Variants in LPP observed in about 807,000 individuals in gnomAD.
LPP encodes LIM domain containing preferred translocation partner in lipoma, also known as lipoma-preferred partner.
LPP carries 38 observed loss-of-function variants against 60.4 expected under a neutral mutation model. That is an observed-to-expected ratio of 0.63 (90% CI 0.49 to 0.83). LPP has a LOEUF of 0.83. LPP is among the 40% of genes least tolerant of loss of function. The pLI is 0.00. For synonymous variants in LPP, 328 were observed against 290.8 expected, an observed-to-expected ratio of 1.13 and a Z score of -1.30; for missense variants, 902 against 783.6, an observed-to-expected ratio of 1.15 and a Z score of -1.80.
chr3:188,156,111 T>G (rs1011991105), intron 1 of LPP, among the ~76,000 whole-genome samples: 1 of 152,162 alleles, frequency 6.6e-6, no homozygotes, highest in Non-Finnish European at 1.5e-5. Context: ...CCCAAAACTT[T>G]ATAGTCTAGA....
chr3:188,560,587 C>A (rs1225640830), intron 6 of LPP, among the ~76,000 whole-genome samples: 1 of 152,096 alleles, frequency 6.6e-6, no homozygotes, highest in African/African-American at 2.4e-5. Flanking sequence ...AATCCTATAC[C>A]TTAGTTCTCT....
chr3:188,724,022 A>T (rs887526914), intron 8 of LPP, among the ~76,000 whole-genome samples: 3 of 152,202 alleles, frequency 2.0e-5, no homozygotes, highest in South Asian at 4.2e-4. Flanking sequence ...CTTGCAATAG[A>T]GGTTCTCTAG....
intron 3 of LPP, among the ~76,000 whole-genome samples, chr3:188,395,224 A>T (rs1780629389): frequency 6.6e-6 from 1 of 152,078 alleles, no homozygotes; most frequent in Non-Finnish European, 1.5e-5. Flanking sequence ...GTTGATTTTT[A>T]AAAACTTATT....
intron 4 of LPP, among the ~76,000 whole-genome samples, chr3:188,479,237 A>G (rs1804080294): frequency 1.3e-5 from 2 of 152,290 alleles, no homozygotes; most frequent in East Asian, 3.9e-4. Flanking sequence ...TGCTTACCTT[A>G]ATAGTTAGAT....
At chr3:188,524,167 A>G (rs143264942) in intron 5 of LPP, among the ~76,000 whole-genome samples, 26 of 152,264 alleles carry the variant, frequency 1.7e-4, no homozygotes, top group African/African-American at 6.0e-4. Flanking sequence ...TCTCGCACAC[A>G]TGCATACCTA....
rs534677695 is a variant in LPP, at chr3:188,617,542, T to G, written c.1113+7698T>G. On this transcript the variant is annotated intron_variant, in intron 7 of 11. Transcript: ENST00000617246. The stretch of plus-strand genomic sequence containing the variant: ...GGTGCTCCCTATTCTGTCTCACAGC[T>G]GCTCCTGTGAAAACACTCGTTCATG... Among the ~76,000 whole-genome samples, 111 of 152,322 alleles carry G rather than the reference T, an allele frequency of 7.3e-4. No individual in the cohort carries two copies. In the South Asian group the frequency reaches 0.015, roughly 21 times the overall value.
intron 6 of LPP, among the ~76,000 whole-genome samples, chr3:188,571,569 C>T (rs1439200437): frequency 6.6e-6 from 1 of 152,032 alleles, no homozygotes; most frequent in Non-Finnish European, 1.5e-5. Flanking sequence ...AGTGTTTGAG[C>T]ACTTCCCTTA....
At chr3:188,741,298 A>C (rs963138322) in intron 8 of LPP, among the ~76,000 whole-genome samples, 1 of 151,852 alleles carries the variant, frequency 6.6e-6, no homozygotes, top group Non-Finnish European at 1.5e-5. Context: ...CTTTGTATCT[A>C]TCCTTGTGCT....
chr3:188,176,609 A>G lies in LPP; in HGVS notation c.-190+22357A>G, dbSNP rs1291624185. ...TCTTCAGCTAATTAAAAAAAAAAAA[A>G]TCAGTTAACCCACATTTATTGACCA... On this transcript the variant is annotated intron_variant, in intron 1 of 11. Transcript: ENST00000617246. Among the ~76,000 whole-genome samples the G allele has an allele frequency of 2.0e-5, 3 of 152,074 alleles. No homozygotes were observed. The East Asian group carries it at 5.8e-4, about 29-fold the overall frequency.
intron 6 of LPP, among the ~76,000 whole-genome samples, chr3:188,583,729 A>T (rs565639418): frequency 6.6e-6 from 1 of 152,180 alleles, no homozygotes. Flanking sequence ...TATTTGATGA[A>T]TGTTTATAGT....
chr3:188,409,583 A>G (rs947178868), intron 4 of LPP, among the ~76,000 whole-genome samples: 3 of 152,146 alleles, frequency 2.0e-5, no homozygotes, highest in Non-Finnish European at 4.4e-5. Flanking sequence ...TTCATTTAGA[A>G]TGTTCTATAC....
chr3:188,533,546 CTA>C (rs1166538067), intron 6 of LPP, among the ~76,000 whole-genome samples: 1 of 152,146 alleles, frequency 6.6e-6, no homozygotes, highest in Non-Finnish European at 1.5e-5. Flanking sequence ...ATAGATTTGT[CTA>C]TGTATTGGCA....
chr3:188,471,901 A>G (rs74977585), intron 4 of LPP, among the ~76,000 whole-genome samples: 6,431 of 152,276 alleles, frequency 0.042, 182 homozygotes, highest in Non-Finnish European at 0.066. Flanking sequence ...ACCTCAGCTA[A>G]GAGTAAACAG....
chr3:188,708,833 A>T (rs921400254), intron 8 of LPP: 60 of 202,010 alleles, frequency 3.0e-4, no homozygotes, highest in African/African-American at 1.3e-3. Flanking sequence ...TGGTTGTGCC[A>T]CTGCACTCCA....
intron 7 of LPP, among the ~76,000 whole-genome samples, chr3:188,645,892 A>T (rs1851022580): frequency 6.6e-6 from 1 of 151,802 alleles, no homozygotes; most frequent in Admixed American, 6.6e-5. Flanking sequence ...TTCAGGAAAA[A>T]AAATGTTTAT....
At chr3:188,677,699 A>G (rs1287139890) in intron 7 of LPP, among the ~76,000 whole-genome samples, 3 of 152,212 alleles carry the variant, frequency 2.0e-5, no homozygotes, top group Admixed American at 6.5e-5. Context: ...GTTTGAATTT[A>G]CATTAAGAGG....
intron 3 of LPP, among the ~76,000 whole-genome samples, chr3:188,347,848 A>T (rs562801645): frequency 1.3e-5 from 2 of 152,230 alleles, no homozygotes; most frequent in Admixed American, 6.5e-5. Flanking sequence ...CACCTTGCAG[A>T]TGCAGAAATG....
intron 4 of LPP, among the ~76,000 whole-genome samples, chr3:188,482,000 G>A (rs1190552547): frequency 2.0e-5 from 3 of 152,302 alleles, no homozygotes; most frequent in Admixed American, 2.0e-4. Flanking sequence ...TCTGGTGGGA[G>A]GGGATTGGAT....
At chr3:188,293,473 G>A (rs1746738593) in intron 2 of LPP, among the ~76,000 whole-genome samples, 1 of 152,210 alleles carries the variant, frequency 6.6e-6, no homozygotes, top group Non-Finnish European at 1.5e-5. Flanking sequence ...TCATTCCACT[G>A]TTGAGAATTG....
Sources: allele counts gnomAD v4.1 joint callset (sites outside exome capture counted in the v4.1 genomes callset), GRCh38; gene constraint gnomAD v4.1.1; transcripts MANE v1.5; gene names NCBI Gene and HGNC (gene_info 2026-07-23, HGNC 2026-07-21).